PLS1: variants seen among roughly 807,000 people sequenced by gnomAD.
PLS1 encodes plastin 1, also known as plastin-1.
A neutral mutation model predicts 73.7 loss-of-function variants in PLS1; 32 were observed. The observed-to-expected ratio is 0.43, with a 90% confidence interval of 0.33 to 0.58. PLS1 has a LOEUF of 0.58. Among genes scored for constraint, PLS1 ranks in the 20% least tolerant of loss-of-function variants. The pLI, the probability that PLS1 is intolerant of heterozygous loss-of-function variation, is 0.04. For synonymous variants in PLS1, 217 were observed against 261.3 expected (o/e 0.83, Z 1.63); for missense variants, 633 against 740.5 (o/e 0.85, Z 1.68).
chr3:142,665,328 C>T (rs1276513566), intron 2 of PLS1, among the ~76,000 whole-genome samples: 1 of 144,546 alleles, frequency 6.9e-6, no homozygotes, highest in Non-Finnish European at 1.5e-5. Context: ...AACTGTGAAA[C>T]TCAGGAAGCT....
rs35003218 is a variant in PLS1 at position 142,604,935 on chromosome 3, C to CAA, written c.-37+8440_-37+8441dup. On this transcript the variant is annotated intron_variant, in intron 1 of 15. Coordinates refer to ENST00000457734, the MANE Select transcript of PLS1 (RefSeq NM_001145319.2). The stretch of plus-strand genomic sequence containing the variant: ...TGGGCAGCAGAGCAAGACTCCGTCT[C>CAA]AAAAAAAAAAAAAAATTCAAGATTA... Among the ~76,000 whole-genome samples the CAA allele has an allele frequency of 2.4e-3, 297 of 124,452 alleles. 1 individual carries two copies. Among genetic ancestry groups the CAA allele is most frequent in the African/African-American group, 4.1e-3 (148 of 35,858 alleles). 81.6% of individuals were successfully genotyped at this position (124,452 alleles called of 152,430 possible).
intron 1 of PLS1, among the ~76,000 whole-genome samples, chr3:142,622,200 T>C (rs1450083886): frequency 1.3e-5 from 2 of 152,234 alleles, no homozygotes; most frequent in Non-Finnish European, 2.9e-5. Context: ...ATAAGCCTTC[T>C]TCAATACAGA....
chr3:142,664,709 G>T (rs1560056626), intron 2 of PLS1, among the ~76,000 whole-genome samples: 1 of 152,072 alleles, frequency 6.6e-6, no homozygotes, highest in Admixed American at 6.6e-5. Flanking sequence ...TAAAATCTCA[G>T]TATTGTTTTT....
At chr3:142,632,448 G>A (rs928633155) in intron 1 of PLS1, among the ~76,000 whole-genome samples, 12 of 152,180 alleles carry the variant, frequency 7.9e-5, no homozygotes, top group African/African-American at 2.9e-4. Context: ...CTGAGGGGAT[G>A]CAGAGTGATT....
intron 12 of PLS1, 124 bp downstream of exon 12, chr3:142,698,191 C>T (rs2038251329): frequency 1.7e-6 from 1 of 579,874 alleles, no homozygotes; most frequent in Admixed American, 3.3e-5. Context: ...ATGTGTTAAG[C>T]TTAATAGCCT....
At chr3:142,616,746 G>A (rs2036222963) in intron 1 of PLS1, among the ~76,000 whole-genome samples, 1 of 152,042 alleles carries the variant, frequency 6.6e-6, no homozygotes, top group Non-Finnish European at 1.5e-5. Flanking sequence ...GGGATTACAG[G>A]CACCCGCCGT....
At chr3:142,644,952 T>C (rs2036921304) in intron 1 of PLS1, among the ~76,000 whole-genome samples, 1 of 152,224 alleles carries the variant, frequency 6.6e-6, no homozygotes, top group Non-Finnish European at 1.5e-5. Flanking sequence ...GGCAAATATC[T>C]GGTTTCCCTA....
intron 11 of PLS1, among the ~76,000 whole-genome samples, chr3:142,694,981 A>G (rs1339458460): frequency 6.6e-6 from 1 of 152,126 alleles, no homozygotes; most frequent in Non-Finnish European, 1.5e-5. Context: ...AATAATTGTT[A>G]TAGCTTATCT....
intron 2 of PLS1, among the ~76,000 whole-genome samples, chr3:142,667,265 G>A (rs1343980954): frequency 6.6e-6 from 1 of 152,054 alleles, no homozygotes; most frequent in Admixed American, 6.6e-5. Context: ...AAATACAAAA[G>A]TTAGCTGGGC....
chr3:142,692,072 C>T (rs2038096318), intron 10 of PLS1, among the ~76,000 whole-genome samples: 1 of 151,922 alleles, frequency 6.6e-6, no homozygotes, highest in Non-Finnish European at 1.5e-5. Flanking sequence ...TGAAGAGTTA[C>T]AGAGCAAGCT....
At chr3:142,623,034 C>G (rs943381438) in intron 1 of PLS1, among the ~76,000 whole-genome samples, 1 of 152,130 alleles carries the variant, frequency 6.6e-6, no homozygotes, top group Non-Finnish European at 1.5e-5. Flanking sequence ...TCATAGCACG[C>G]TACAGCCTTG....
intron 1 of PLS1, 34 bp downstream of exon 1, chr3:142,596,543 G>A (rs1025314526): frequency 2.6e-5 from 4 of 152,526 alleles, no homozygotes; most frequent in Admixed American, 6.5e-5. Flanking sequence ...CCAAAAGGAA[G>A]GCTGGACAGA....
intron 10 of PLS1, among the ~76,000 whole-genome samples, chr3:142,693,847 A>G (rs1179294606): frequency 6.6e-6 from 1 of 152,006 alleles, no homozygotes; most frequent in Non-Finnish European, 1.5e-5. Context: ...ATCAACCTGT[A>G]TTGGGTCTGT....
Position 142,669,433 on chromosome 3 carries a change from C to T in PLS1, c.114C>T (p.Asp38=), listed in dbSNP as rs1256293965. 6.2e-7 allele frequency: 1 copy of T among 1,605,430 alleles called. No individual in the cohort carries two copies. The highest frequency in any genetic ancestry group is 8.5e-7 in the Non-Finnish European group (1 of 1,172,476). The change falls in exon 3 of 16, where the codon GAC becomes GAT. Residue 38 remains aspartate, a synonymous_variant. Transcript: ENST00000457734. ...ATGTCAGTGACTATGAACTTCAAGACCTGTTTAAGGAAGCAAGCCTTCCTC... is the reference window on the plus strand; with the variant it reads ...ATGTCAGTGACTATGAACTTCAAGATCTGTTTAAGGAAGCAAGCCTTCCTC... The part of the protein sequence containing the change: ...SGYVSDYELQ[D]LFKEASLPLP...
intron 12 of PLS1, among the ~76,000 whole-genome samples, chr3:142,700,525 G>T (rs951705984): frequency 6.6e-6 from 1 of 152,014 alleles, no homozygotes; most frequent in Non-Finnish European, 1.5e-5. Context: ...GGGTTTCACC[G>T]TGTTAGCCAG....
chr3:142,610,137 T>C (rs886701931), intron 1 of PLS1, among the ~76,000 whole-genome samples: 4 of 152,144 alleles, frequency 2.6e-5, no homozygotes, highest in African/African-American at 9.7e-5. Context: ...CCACAAAGCT[T>C]GTATTTATTA....
intron 1 of PLS1, among the ~76,000 whole-genome samples, chr3:142,602,163 C>G (rs973414070): frequency 6.6e-6 from 1 of 150,410 alleles, no homozygotes; most frequent in African/African-American, 2.5e-5. Context: ...TGAAGCATTC[C>G]TAGAGAAAGG....
At chr3:142,670,368 C>T (rs2037579477) in intron 3 of PLS1, among the ~76,000 whole-genome samples, 1 of 152,144 alleles carries the variant, frequency 6.6e-6, no homozygotes, top group African/African-American at 2.4e-5. Context: ...GGAGAAGTAA[C>T]TCAGAATCAG....
At chr3:142,629,199 A>ATT (rs11304758) in intron 1 of PLS1, among the ~76,000 whole-genome samples, 8 of 145,618 alleles carry the variant, frequency 5.5e-5, no homozygotes, top group African/African-American at 2.0e-4. Flanking sequence ...ATTGGAAATA[A>ATT]TTTTTTTTTT....
Sources: gnomAD v4.1 joint callset for allele counts (sites outside exome capture counted in the v4.1 genomes callset) on GRCh38, gnomAD v4.1.1 for gene constraint, MANE v1.5 for transcripts, NCBI Gene and HGNC (gene_info 2026-07-23, HGNC 2026-07-21) for gene names.